The following USH2A variants were observed in gnomAD, a reference collection of about 807,000 sequenced individuals.
The protein encoded by USH2A is Usher syndrome 2A (autosomal recessive, mild).
USH2A carries 443 observed loss-of-function variants against 538.9 expected under a neutral mutation model. That is an observed-to-expected ratio of 0.82 (90% CI 0.76 to 0.89). The LOEUF (loss-of-function observed/expected upper bound fraction) is 0.89. Among genes scored for constraint, USH2A ranks in the 40% least tolerant of loss-of-function variants. The pLI is 0.00. For synonymous variants in USH2A, 2,413 were observed against 2,273.5 expected (o/e 1.06, Z -1.75); for missense variants, 6,633 against 6,324.8 (o/e 1.05, Z -1.65).
intron 61 of USH2A, among the ~76,000 whole-genome samples, chr1:215,711,570 C>T (rs950376092): frequency 6.6e-6 from 1 of 152,042 alleles, no homozygotes; most frequent in South Asian, 2.1e-4. Flanking sequence ...CTCCTCAAGA[C>T]TTTTTTTTCT....
At chr1:216,352,682 T>A (rs1269462757) in intron 4 of USH2A, among the ~76,000 whole-genome samples, 1 of 152,074 alleles carries the variant, frequency 6.6e-6, no homozygotes, top group Non-Finnish European at 1.5e-5. Flanking sequence ...CCCTTGAAAA[T>A]GTTCCATTAA....
At chr1:216,258,360 G>C (rs1268349491) in intron 11 of USH2A, among the ~76,000 whole-genome samples, 1 of 152,174 alleles carries the variant, frequency 6.6e-6, no homozygotes, top group East Asian at 1.9e-4. Context: ...AGTGGAAATA[G>C]GCACATACCC....
chr1:216,133,928 T>A (rs1366456098), intron 21 of USH2A, among the ~76,000 whole-genome samples: 1 of 152,098 alleles, frequency 6.6e-6, no homozygotes, highest in Non-Finnish European at 1.5e-5. Flanking sequence ...AATTGTGGAT[T>A]TATGGAACAC....
At chr1:216,077,843 T>G (rs2031803092) in intron 27 of USH2A, among the ~76,000 whole-genome samples, 1 of 151,526 alleles carries the variant, frequency 6.6e-6, no homozygotes, top group Admixed American at 6.6e-5. Context: ...TAATTACTAT[T>G]TACTGAGGAC....
At chr1:215,933,378 C>A (rs1358287212) in intron 38 of USH2A, among the ~76,000 whole-genome samples, 1 of 151,762 alleles carries the variant, frequency 6.6e-6, no homozygotes, top group Non-Finnish European at 1.5e-5. Flanking sequence ...AAATTCAATT[C>A]CCTTTTAAAA....
chr1:216,140,036 CT>C (rs1157589321), intron 21 of USH2A, among the ~76,000 whole-genome samples: 1 of 152,156 alleles, frequency 6.6e-6, no homozygotes, highest in Non-Finnish European at 1.5e-5. Flanking sequence ...CAGACAAGGA[CT>C]GCTCTAAATA....
At chr1:216,010,817 C>T (rs1212466308) in intron 32 of USH2A, among the ~76,000 whole-genome samples, 5 of 151,888 alleles carry the variant, frequency 3.3e-5, no homozygotes, top group African/African-American at 7.3e-5. Context: ...ACTACAGCTA[C>T]ATCTCATTGC....
chr1:216,148,716 T>C (rs1329347679), intron 21 of USH2A, among the ~76,000 whole-genome samples: 2 of 151,968 alleles, frequency 1.3e-5, no homozygotes, highest in East Asian at 1.9e-4. Context: ...GTTTTGCCTA[T>C]ACACCCTGTG....
At chr1:216,262,862 T>C (rs1166916729) in intron 11 of USH2A, among the ~76,000 whole-genome samples, 7 of 151,842 alleles carry the variant, frequency 4.6e-5, no homozygotes, top group African/African-American at 1.7e-4. Context: ...GTTGATATTT[T>C]GAAAGATAAT....
At chr1:216,169,735 A>G (rs1272856452) in intron 21 of USH2A, among the ~76,000 whole-genome samples, 1 of 151,956 alleles carries the variant, frequency 6.6e-6, no homozygotes, top group African/African-American at 2.4e-5. Flanking sequence ...CCTGAGAATT[A>G]TTTCTCCTTT....
chr1:216,408,332 C>T (rs1028621752), intron 3 of USH2A, among the ~76,000 whole-genome samples: 5 of 152,208 alleles, frequency 3.3e-5, no homozygotes, highest in South Asian at 2.1e-4. Context: ...TCTTTTTAAG[C>T]GTATACATAT....
intron 14 of USH2A, among the ~76,000 whole-genome samples, chr1:216,219,702 T>G (rs1025857667): frequency 2.0e-5 from 3 of 152,100 alleles, no homozygotes; most frequent in African/African-American, 7.2e-5. Context: ...TTACACTGAC[T>G]CTCTTGGTAC....
rs147771251 is a variant in USH2A, at chr1:215,776,764, G to A, written c.10939+3079C>T. Among the ~76,000 whole-genome samples the A allele has an allele frequency of 3.3e-4, 51 of 152,242 alleles. 1 individual carries two copies. The highest frequency in any genetic ancestry group is 1.6e-3 in the Admixed American group (25 of 15,292). ...TTCATTCCATGAACTCAATAAAACA[G>A]TCATTCACACCATAAAATACTTCAG... On this transcript the variant is annotated intron_variant, in intron 55 of 71. Coordinates refer to ENST00000307340, the MANE Select transcript of USH2A (RefSeq NM_206933.4).
At chr1:215,809,168 T>A (rs997739975) in intron 49 of USH2A, among the ~76,000 whole-genome samples, 6 of 152,174 alleles carry the variant, frequency 3.9e-5, no homozygotes, top group Non-Finnish European at 5.9e-5. Flanking sequence ...TCGTCTGAAA[T>A]GTAGTTGCCA....
chr1:215,706,112 A>G (rs182952054), intron 61 of USH2A, among the ~76,000 whole-genome samples: 137 of 152,322 alleles, frequency 9.0e-4, no homozygotes, highest in African/African-American at 3.2e-3. Context: ...CCATGGTCAT[A>G]TAATTGTAAG....
chr1:216,268,543 G>A (rs2102577352), intron 11 of USH2A, among the ~76,000 whole-genome samples: 1 of 152,246 alleles, frequency 6.6e-6, no homozygotes, highest in East Asian at 1.9e-4. Flanking sequence ...GTGATTGATA[G>A]TCAAACTTTT....
intron 40 of USH2A, among the ~76,000 whole-genome samples, chr1:215,892,832 G>A (rs899281180): frequency 6.6e-6 from 1 of 152,118 alleles, no homozygotes; most frequent in African/African-American, 2.4e-5. Context: ...AACCTCTGAA[G>A]GCTAAAAGGC....
intron 13 of USH2A, among the ~76,000 whole-genome samples, chr1:216,241,248 A>G (rs896326738): frequency 1.3e-5 from 2 of 152,204 alleles, no homozygotes; most frequent in Non-Finnish European, 2.9e-5. Flanking sequence ...AAATATATGT[A>G]AAACCCAGAA....
chr1:216,071,405 C>T (rs922078610), intron 29 of USH2A, among the ~76,000 whole-genome samples: 18 of 152,226 alleles, frequency 1.2e-4, no homozygotes, highest in African/African-American at 2.9e-4. Context: ...ATGGGAGTGA[C>T]GCTGATTTTA....
Sources: allele counts gnomAD v4.1 joint callset (sites outside exome capture counted in the v4.1 genomes callset), GRCh38; gene constraint gnomAD v4.1.1; transcripts MANE v1.5; gene names NCBI Gene and HGNC (gene_info 2026-07-23, HGNC 2026-07-21).